PCDH15: variants seen among roughly 807,000 people sequenced by gnomAD.
The protein encoded by PCDH15 is protocadherin related 15, also known as protocadherin-15.
Under a neutral mutation model 178.5 loss-of-function variants are expected in PCDH15, and 129 were observed. That is an observed-to-expected ratio of 0.72 (90% CI 0.63 to 0.84). The LOEUF is 0.84. PCDH15 is among the 40% of genes least tolerant of loss of function. PCDH15 has a pLI of 0.00. For missense variants in PCDH15, 2,230 were observed against 2,099.9 expected (o/e 1.06, Z -1.21); for synonymous variants, 800 against 732.0 (o/e 1.09, Z -1.50).
chr10:53,821,186 T>TATAAG (rs1237966569), intron 32 of PCDH15: 2 of 972,936 alleles, frequency 2.1e-6, no homozygotes, highest in Admixed American at 6.2e-5. Context: ...ACTGAAAAAG[T>TATAAG]ATAAGATTTA....
chr10:53,918,707 TACACAAACAC>T (rs1268695640), intron 25 of PCDH15, among the ~76,000 whole-genome samples: 22 of 124,118 alleles, frequency 1.8e-4, no homozygotes, highest in Non-Finnish European at 3.2e-4. Context: ...TTAATGCAAA[TACACAAACAC>T]ACACACACAC....
intron 3 of PCDH15, among the ~76,000 whole-genome samples, chr10:54,893,779 T>C (rs556963614): frequency 3.3e-5 from 5 of 152,198 alleles, no homozygotes; most frequent in African/African-American, 1.2e-4. Flanking sequence ...TTATAGAATT[T>C]CTGAATTATT....
rs1170766702 is a variant in PCDH15 at position 54,757,429 on chromosome 10, C to T, written c.-29+43496G>A. Among the ~76,000 whole-genome samples the T allele has an allele frequency of 2.0e-4, 18 of 88,344 alleles. 5 individuals carry two copies. The highest frequency in any genetic ancestry group is 7.2e-5 in the Non-Finnish European group (3 of 41,828). The allele number at this position is 88,344 out of a possible 152,430, so 58.0% of individuals were successfully genotyped here. On this transcript the variant is annotated intron_variant, in intron 1 of 37. Transcript: ENST00000644397. Reference sequence around the variant, plus strand: ...TCCCGAGTAGCTGGGACTACAGGCGCGCGCCACCATGCCCGGCTAATTTTT... The same window carrying T: ...TCCCGAGTAGCTGGGACTACAGGCGTGCGCCACCATGCCCGGCTAATTTTT...
intron 2 of PCDH15, among the ~76,000 whole-genome samples, chr10:55,552,332 T>G (rs1466921024): frequency 1.3e-5 from 2 of 151,652 alleles, no homozygotes; most frequent in Admixed American, 1.3e-4. Flanking sequence ...TTTCAAAATT[T>G]CTTAAAATAG....
At chr10:53,951,487 G>A (rs960179666) in intron 23 of PCDH15, among the ~76,000 whole-genome samples, 2 of 152,098 alleles carry the variant, frequency 1.3e-5, no homozygotes, top group African/African-American at 2.4e-5. Flanking sequence ...GATCACATGG[G>A]GCATGCAAAT....
intron 18 of PCDH15, among the ~76,000 whole-genome samples, chr10:54,023,660 T>A (rs2092997474): frequency 6.9e-6 from 1 of 145,870 alleles, no homozygotes; most frequent in Non-Finnish European, 1.5e-5. Context: ...TAATAAATAA[T>A]ATTTTATTAT....
At chr10:54,753,832 G>A (rs1946658992) in intron 1 of PCDH15, among the ~76,000 whole-genome samples, 1 of 150,848 alleles carries the variant, frequency 6.6e-6, no homozygotes, top group Non-Finnish European at 1.5e-5. Flanking sequence ...GTAATCTGAA[G>A]AGTATTACCC....
chr10:54,165,987 A>G (rs1206725390), intron 13 of PCDH15, among the ~76,000 whole-genome samples: 1 of 152,200 alleles, frequency 6.6e-6, no homozygotes, highest in Non-Finnish European at 1.5e-5. Context: ...AAGTACAGAA[A>G]AGCCTGTCAT....
Position 54,635,906 on chromosome 10 carries a change from A to C in PCDH15, c.91+28266T>G, listed in dbSNP as rs145513359. Among the ~76,000 whole-genome samples the C allele has an allele frequency of 2.4e-3, 362 of 151,988 alleles. 2 individuals are homozygous for C. Among genetic ancestry groups the C allele is most frequent in the African/African-American group, 8.2e-3 (339 of 41,520 alleles). On this transcript the variant is annotated intron_variant, in intron 2 of 37. Transcript: ENST00000644397. ...TATCACTTGAAAAACAAAAACACAG[A>C]AGTATAATCCTGTCATGTGTCTGCA...
intron 25 of PCDH15, among the ~76,000 whole-genome samples, chr10:53,909,257 G>A (rs1338983673): frequency 1.3e-5 from 2 of 152,096 alleles, no homozygotes; most frequent in Non-Finnish European, 2.9e-5. Flanking sequence ...CTTCCACCAT[G>A]ATTACAAGTT....
In PCDH15 at chr10:55,260,448, A is replaced by C. The variant is rs531551798; in HGVS notation, c.-156+59151T>G. ...TAATTTGTACATTATTTTCGAGAAG[A>C]AATAAAGTTTTCCAAAATTGATTAA... On this transcript the variant is annotated intron_variant, in intron 1 of 5. Transcript: ENST00000458638. Among the ~76,000 whole-genome samples, 56 of 152,318 alleles carry C rather than the reference A, an allele frequency of 3.7e-4. No individual in the cohort carries two copies. The Middle Eastern group carries it at 0.02, about 56-fold the overall frequency.
At chr10:55,103,032 G>A (rs1463543122) in intron 2 of PCDH15, among the ~76,000 whole-genome samples, 2 of 151,928 alleles carry the variant, frequency 1.3e-5, no homozygotes, top group Non-Finnish European at 2.9e-5. Context: ...AGAGGTGGAG[G>A]ATGTGGAAGA....
intron 3 of PCDH15, among the ~76,000 whole-genome samples, chr10:54,837,237 T>C (rs1443001106): frequency 1.3e-5 from 2 of 152,066 alleles, no homozygotes; most frequent in African/African-American, 4.8e-5. Context: ...AATGAAATAA[T>C]ACTCTAAATA....
chr10:55,291,874 G>C (rs1183152410), intron 1 of PCDH15, among the ~76,000 whole-genome samples: 1 of 152,160 alleles, frequency 6.6e-6, no homozygotes, highest in Admixed American at 6.6e-5. Flanking sequence ...GAGAGAGTTT[G>C]TGCAGGGAAA....
At chr10:54,960,659 T>C (rs540540131) in intron 2 of PCDH15, among the ~76,000 whole-genome samples, 2 of 152,340 alleles carry the variant, frequency 1.3e-5, no homozygotes, top group African/African-American at 2.4e-5. Flanking sequence ...AACCCAATAT[T>C]AAGAAGGTCA....
intron 11 of PCDH15, among the ~76,000 whole-genome samples, chr10:54,192,347 G>A (rs1402692749): frequency 6.6e-6 from 1 of 152,016 alleles, no homozygotes; most frequent in Non-Finnish European, 1.5e-5. Flanking sequence ...AAGAGACCAA[G>A]AACATCAGGA....
intron 26 of PCDH15, among the ~76,000 whole-genome samples, chr10:53,868,401 CTG>C (rs1255165506): frequency 1.3e-5 from 2 of 151,790 alleles, no homozygotes; most frequent in Admixed American, 6.6e-5. Flanking sequence ...ATATAAAAAA[CTG>C]AGGAATATAT....
At position 54,669,564 on chromosome 10, in the gene PCDH15, A is replaced by G. The variant is rs537835192; in HGVS notation, c.-28-5274T>C. 4.0e-5 allele frequency among the ~76,000 whole-genome samples: 6 copies of G among 150,706 alleles called. No individual in the cohort carries two copies. In the South Asian group the frequency reaches 1.3e-3, roughly 32 times the overall value. On this transcript the variant is annotated intron_variant, in intron 1 of 37. Transcript: ENST00000644397. Reference sequence around the variant, plus strand: ...CACTTTTTTAAAGTTTGCAATTTAAATTCAAGGGGTTCCGTTGTAGCTAAT... The same window carrying G: ...CACTTTTTTAAAGTTTGCAATTTAAGTTCAAGGGGTTCCGTTGTAGCTAAT...
chr10:54,834,474 A>G (rs1421247673), intron 3 of PCDH15, among the ~76,000 whole-genome samples: 2 of 152,044 alleles, frequency 1.3e-5, no homozygotes, highest in Non-Finnish European at 2.9e-5. Flanking sequence ...CACTGCGCCC[A>G]GCTTATTACT....
Sources: allele counts gnomAD v4.1 joint callset (sites outside exome capture counted in the v4.1 genomes callset), GRCh38; gene constraint gnomAD v4.1.1; transcripts MANE v1.5; gene names NCBI Gene and HGNC (gene_info 2026-07-23, HGNC 2026-07-21).